Variants in LITAF observed in about 807,000 individuals in gnomAD.
LITAF encodes the protein lipopolysaccharide induced TNF factor, also known as lipopolysaccharide-induced tumor necrosis factor-alpha factor.
LITAF carries 9 observed loss-of-function variants against 14.5 expected under a neutral mutation model. The observed-to-expected ratio is 0.62, with a 90% CI of 0.37 to 1.08. LITAF has a LOEUF of 1.08. Ranked by LOEUF, LITAF falls within the 50% of genes least tolerant of loss-of-function variation. The probability of loss-of-function intolerance (pLI) is 0.01; values close to 1 mark genes in which losing one functional copy is unlikely to be tolerated. For missense variants in LITAF, 206 were observed against 213.4 expected, an observed-to-expected ratio of 0.97 and a Z score of 0.22; for synonymous variants, 98 against 88.2, an observed-to-expected ratio of 1.11 and a Z score of -0.62.
intron 3 of LITAF, among the ~76,000 whole-genome samples, chr16:11,626,557 C>A (rs1301077486): frequency 3.3e-5 from 5 of 152,134 alleles, no homozygotes; most frequent in Non-Finnish European, 7.4e-5. Flanking sequence ...CCAGGCTGGT[C>A]TCCAACTCCT....
intron 3 of LITAF, among the ~76,000 whole-genome samples, chr16:11,609,770 C>T (rs746638909): frequency 1.6e-4 from 24 of 152,114 alleles, no homozygotes; most frequent in Non-Finnish European, 3.5e-4. Context: ...CCTTCCTGCC[C>T]ACTTCTCCCT....
intron 3 of LITAF, among the ~76,000 whole-genome samples, chr16:11,609,370 C>G (rs990085313): frequency 6.6e-6 from 1 of 152,012 alleles, no homozygotes; most frequent in Non-Finnish European, 1.5e-5. Context: ...TGCCACCACA[C>G]TCAGCTAATT....
chr16:11,575,846 G>GT (rs2064623947), intron 1 of LITAF, among the ~76,000 whole-genome samples: 1 of 152,054 alleles, frequency 6.6e-6, no homozygotes, highest in African/African-American at 2.4e-5. Flanking sequence ...CCCGAAAAAA[G>GT]TATCTTAACC....
chr16:11,602,308 A>G (rs1159820762), upstream of LITAF, among the ~76,000 whole-genome samples: 1 of 152,318 alleles, frequency 6.6e-6, no homozygotes, highest in East Asian at 1.9e-4. Context: ...GTGAGCTGAG[A>G]TCGCACCACT....
chr16:11,593,288 A>G (rs35866618), intron 1 of LITAF, among the ~76,000 whole-genome samples: 62,875 of 148,864 alleles, frequency 0.42, 14,327 homozygotes, highest in African/African-American at 0.6. Context: ...CCCAGGAGGC[A>G]GATGTTGCAG....
intron 1 of LITAF, among the ~76,000 whole-genome samples, chr16:11,593,528 C>T (rs559090258): frequency 6.6e-6 from 1 of 152,026 alleles, no homozygotes; most frequent in African/African-American, 2.4e-5. Context: ...AAAACTTGTA[C>T]GAGAATGTTC....
chr16:11,601,961 T>C (rs1321919867), upstream of LITAF, among the ~76,000 whole-genome samples: 1 of 152,174 alleles, frequency 6.6e-6, no homozygotes, highest in East Asian at 1.9e-4. Flanking sequence ...CTGGATGGGA[T>C]GTCCCACATG....
upstream of LITAF, among the ~76,000 whole-genome samples, chr16:11,599,798 C>A (rs2064916252): frequency 6.6e-6 from 1 of 152,132 alleles, no homozygotes; most frequent in Non-Finnish European, 1.5e-5. Flanking sequence ...AACTGTCCTG[C>A]CTCAGGACCT....
intron 1 of LITAF, among the ~76,000 whole-genome samples, chr16:11,569,431 G>C (rs1234580263): frequency 6.6e-6 from 1 of 151,980 alleles, no homozygotes; most frequent in African/African-American, 2.4e-5. Context: ...TTGTAGGGAT[G>C]AGGTCTCGCC....
chr16:11,573,775 C>T (rs972536482), intron 1 of LITAF, among the ~76,000 whole-genome samples: 1 of 143,322 alleles, frequency 7.0e-6, no homozygotes, highest in African/African-American at 2.6e-5. Context: ...GATCTCGACT[C>T]ACTGCAACCT....
chr16:11,578,960 G>A (rs12447508), intron 1 of LITAF, among the ~76,000 whole-genome samples: 21,074 of 152,036 alleles, frequency 0.14, 1,695 homozygotes, highest in South Asian at 0.22. Context: ...AGGCCGAGGC[G>A]GGTGGGTCAC....
intron 2 of LITAF, chr16:11,556,255 T>A: frequency 1.8e-6 from 1 of 547,222 alleles, no homozygotes; most frequent in African/African-American, 1.9e-5. Context: ...TGGTTGTGCC[T>A]CCAAGAGATG....
chr16:11,553,661 G>A lies in LITAF; in HGVS notation c.249C>T (p.His83=). 6.2e-7 allele frequency: 1 copy of A among 1,614,190 alleles called. No individual in the cohort carries two copies. Among genetic ancestry groups the A allele is most frequent in the South Asian group, 1.1e-5 (1 of 91,080 alleles). The change falls in exon 3 of 4, where the codon CAC becomes CAT. Residue 83 remains histidine (H), a synonymous_variant. Transcript: ENST00000622633. This position sits in a 1 kb window ranked among gnomAD's most constrained non-coding sequence, Gnocchi z 7.7. Reference sequence around the variant, plus strand: ...TAGGGCGGTCCAAAAAGGTGATGGGGTGCTGCACGTAGACCGTCTGCACGG... The same window carrying A: ...TAGGGCGGTCCAAAAAGGTGATGGGATGCTGCACGTAGACCGTCTGCACGG... ...PITVQTVYVQ[H]PITFLDRPIQ...
chr16:11,579,311 C>T (rs995641330), intron 1 of LITAF, among the ~76,000 whole-genome samples: 9 of 144,862 alleles, frequency 6.2e-5, no homozygotes, highest in African/African-American at 1.5e-4. Flanking sequence ...ATTAGCCGGG[C>T]GCGGTGGCGG....
chr16:11,588,165 A>G (rs1163815421), upstream of LITAF, among the ~76,000 whole-genome samples: 2 of 152,102 alleles, frequency 1.3e-5, no homozygotes, highest in African/African-American at 4.8e-5. Context: ...GTTCCCATGT[A>G]GATGTTATTA....
chr16:11,573,742 C>T (rs1420471938), intron 1 of LITAF, among the ~76,000 whole-genome samples: 1 of 140,360 alleles, frequency 7.1e-6, no homozygotes, highest in African/African-American at 2.6e-5. Context: ...TGCTCTGTTG[C>T]CCAGGTTGGA....
At chr16:11,582,670 C>G (rs755455803) in intron 1 of LITAF, among the ~76,000 whole-genome samples, 3 of 152,160 alleles carry the variant, frequency 2.0e-5, no homozygotes, top group Non-Finnish European at 4.4e-5. Flanking sequence ...GAAGGGCACT[C>G]ACATGCAAAT....
At chr16:11,563,826 C>G (rs151291540) in intron 1 of LITAF, among the ~76,000 whole-genome samples, 2 of 152,052 alleles carry the variant, frequency 1.3e-5, no homozygotes, top group Non-Finnish European at 2.9e-5. Context: ...TGCATATTTA[C>G]TGCTTCAAGC....
At chr16:11,613,504 G>GA (rs1225280432) in intron 3 of LITAF, among the ~76,000 whole-genome samples, 1 of 152,166 alleles carries the variant, frequency 6.6e-6, no homozygotes, top group Non-Finnish European at 1.5e-5. Context: ...GCCCCACCTC[G>GA]AAGACATCGG....
Sources: allele counts gnomAD v4.1 joint callset (sites outside exome capture counted in the v4.1 genomes callset), GRCh38; gene constraint gnomAD v4.1.1; non-coding constraint Gnocchi (gnomAD v3.1); transcripts MANE v1.5; gene names NCBI Gene and HGNC (gene_info 2026-07-23, HGNC 2026-07-21).